ABL2: variants seen among roughly 807,000 people sequenced by gnomAD.
The protein encoded by ABL2 is ABL proto-oncogene 2, non-receptor tyrosine kinase, also known as tyrosine-protein kinase ABL2.
ABL2 carries 49 observed loss-of-function variants against 107.7 expected under a neutral mutation model. The observed-to-expected ratio is 0.45, with a 90% CI of 0.36 to 0.58. The LOEUF (loss-of-function observed/expected upper bound fraction) is 0.58, where lower values mean the gene tolerates loss of function less well. ABL2 is among the 20% of genes least tolerant of loss of function. The probability of loss-of-function intolerance (pLI) is 0.00; values close to 1 mark genes in which losing one functional copy is unlikely to be tolerated. For synonymous variants in ABL2, 549 were observed against 548.6 expected, an observed-to-expected ratio of 1.00 and a Z score of -0.01; for missense variants, 1,245 against 1,457.0, an observed-to-expected ratio of 0.85 and a Z score of 2.37.
In ABL2 at chr1:179,105,400, CATA is replaced by C. The variant is rs1653402678; in HGVS notation, c.*2315_*2317del. 8.6e-6 allele frequency: 2 copies of C among 231,244 alleles called. No individual in the cohort carries two copies. Among genetic ancestry groups the C allele is most frequent in the Admixed American group, 5.6e-5 (1 of 17,724 alleles). The allele number at this position is 231,244 out of a possible 1,614,324, so 14.3% of individuals were successfully genotyped here. Reference sequence around the variant, plus strand: ...CAACAGGGATAAACCTAAAAAGCAGCATAATAATATTCTACAGTTTTAGCTTTC... The same window carrying C: ...CAACAGGGATAAACCTAAAAAGCAGCATAATATTCTACAGTTTTAGCTTTC... On this transcript the variant is annotated 3_prime_UTR_variant, in exon 12 of 12. Coordinates refer to ENST00000502732, the MANE Select transcript of ABL2 (RefSeq NM_007314.4).
chr1:179,220,065 A>G (rs1662789167), intron 1 of ABL2, among the ~76,000 whole-genome samples: 1 of 152,250 alleles, frequency 6.6e-6, no homozygotes, highest in Non-Finnish European at 1.5e-5. Flanking sequence ...ATTTATATCC[A>G]ATTATAACTG....
In ABL2 at chr1:179,165,372, AG is replaced by A. The variant is rs563008336; in HGVS notation, c.158-31999del. ...AAGCAGGTAAAGTGAATGAGGAAGA[AG>A]GCATTCCAGGTAGAGGGTGACTGAT... On this transcript the variant is annotated intron_variant, in intron 1 of 11. Coordinates refer to ENST00000502732, the MANE Select transcript of ABL2 (RefSeq NM_007314.4). Among the ~76,000 whole-genome samples, 782 of 152,258 alleles carry A rather than the reference AG, an allele frequency of 5.1e-3. 6 individuals carry two copies. Among genetic ancestry groups the A allele is most frequent in the African/African-American group, 0.018 (739 of 41,536 alleles).
chr1:179,167,836 C>T (rs1161821868), intron 1 of ABL2, among the ~76,000 whole-genome samples: 1 of 152,138 alleles, frequency 6.6e-6, no homozygotes, highest in Non-Finnish European at 1.5e-5. Context: ...CAAAACTCTG[C>T]GGGGTGTGGT....
chr1:179,226,251 T>A lies in ABL2; in HGVS notation c.157+2990A>T, dbSNP rs1259413454. Reference sequence around the variant, plus strand: ...CTAACTTCCAAACTTGTCAATAGAATCTTCATCATCCCAGTTAGCCAGGTT... The same window carrying A: ...CTAACTTCCAAACTTGTCAATAGAAACTTCATCATCCCAGTTAGCCAGGTT... On this transcript the variant is annotated intron_variant, in intron 1 of 11. Coordinates refer to ENST00000502732, the MANE Select transcript of ABL2 (RefSeq NM_007314.4). 2.6e-5 allele frequency among the ~76,000 whole-genome samples: 4 copies of A among 151,528 alleles called. No individual in the cohort carries two copies. The East Asian group carries it at 7.7e-4, about 29-fold the overall frequency.
intron 7 of ABL2, among the ~76,000 whole-genome samples, 191 bp from the exon 8 acceptor site, chr1:179,117,707 C>A (rs948432644): frequency 6.6e-6 from 1 of 152,134 alleles, no homozygotes; most frequent in Non-Finnish European, 1.5e-5. Flanking sequence ...CATCAAGATG[C>A]GGAATAAAGC....
At chr1:179,179,424 A>C (rs1159802642) in intron 1 of ABL2, among the ~76,000 whole-genome samples, 2 of 152,296 alleles carry the variant, frequency 1.3e-5, no homozygotes, top group East Asian at 1.9e-4. Flanking sequence ...ATATAATGTA[A>C]ATATTAGGAA....
In ABL2 at chr1:179,107,106, T is replaced by C. The variant is rs1653518435; in HGVS notation, c.*612A>G. On this transcript the variant is annotated 3_prime_UTR_variant, in exon 12 of 12. Coordinates refer to ENST00000502732, the MANE Select transcript of ABL2 (RefSeq NM_007314.4). ...ATTCTTTACTTCCTGCACTAACTGA[T>C]ACACCAGCGGAAAATAGGACAGAGG... 1 of 231,046 alleles carries C rather than the reference T, an allele frequency of 4.3e-6. No individual in the cohort carries two copies. The allele number at this position is 231,046 out of a possible 1,614,324, so 14.3% of individuals were successfully genotyped here.
intron 4 of ABL2, among the ~76,000 whole-genome samples, chr1:179,122,412 C>G (rs1313327668): frequency 6.6e-6 from 1 of 151,832 alleles, no homozygotes; most frequent in Non-Finnish European, 1.5e-5. Flanking sequence ...GGCCAGTATA[C>G]CCAGCAAGAG....
chr1:179,167,815 A>C (rs546584590), intron 1 of ABL2, among the ~76,000 whole-genome samples: 7 of 152,214 alleles, frequency 4.6e-5, no homozygotes, highest in Admixed American at 1.3e-4. Flanking sequence ...CTCAGTCTCT[A>C]CTAAAAAATA....
intron 1 of ABL2, among the ~76,000 whole-genome samples, chr1:179,165,393 A>G (rs1321320321): frequency 6.6e-6 from 1 of 152,120 alleles, no homozygotes; most frequent in Non-Finnish European, 1.5e-5. Flanking sequence ...GTAGAGGGTG[A>G]CTGATGACAA....
intron 4 of ABL2, among the ~76,000 whole-genome samples, chr1:179,123,676 C>A (rs1334261352): frequency 6.6e-6 from 1 of 152,296 alleles, no homozygotes; most frequent in East Asian, 1.9e-4. Context: ...GTTGCCCGGC[C>A]TGGAGTGCAG....
intron 1 of ABL2, among the ~76,000 whole-genome samples, chr1:179,188,106 T>C (rs1254480257): frequency 1.3e-5 from 2 of 152,220 alleles, no homozygotes; most frequent in African/African-American, 4.8e-5. Context: ...ACACCTCTAC[T>C]GTAAATACAG....
intron 1 of ABL2, among the ~76,000 whole-genome samples, chr1:179,217,375 C>A (rs188287280): frequency 1.1e-3 from 168 of 151,374 alleles, no homozygotes; most frequent in Middle Eastern, 6.8e-3. Flanking sequence ...CCTGTAATCC[C>A]AGCACTTTGG....
intron 3 of ABL2, among the ~76,000 whole-genome samples, chr1:179,127,587 G>GAAAGAGAT (rs1374648952): frequency 6.6e-6 from 1 of 152,202 alleles, no homozygotes; most frequent in Non-Finnish European, 1.5e-5. Context: ...CAGAAAAAGT[G>GAAAGAGAT]AAAGAGATAT....
intron 9 of ABL2, 107 bp downstream of exon 9, chr1:179,114,771 G>T: frequency 8.6e-7 from 1 of 1,160,592 alleles, no homozygotes; most frequent in Non-Finnish European, 1.2e-6. Flanking sequence ...ATGTCATGAG[G>T]CTGGATTCAA....
intron 1 of ABL2, among the ~76,000 whole-genome samples, chr1:179,165,318 T>C (rs1659315117): frequency 6.6e-6 from 1 of 152,154 alleles, no homozygotes; most frequent in East Asian, 1.9e-4. Flanking sequence ...TTAAAGGCAC[T>C]AGCAAGTCAT....
At chr1:179,141,489 T>C (rs1657585622) in intron 1 of ABL2, among the ~76,000 whole-genome samples, 1 of 152,184 alleles carries the variant, frequency 6.6e-6, no homozygotes, top group Non-Finnish European at 1.5e-5. Flanking sequence ...CACGATTTTA[T>C]GTAAATTTAG....
At chr1:179,222,534 G>A (rs769808101) in intron 1 of ABL2, among the ~76,000 whole-genome samples, 6 of 152,032 alleles carry the variant, frequency 3.9e-5, no homozygotes, top group South Asian at 2.1e-4. Flanking sequence ...GGGATTATAG[G>A]TGCGCGCCAC....
Position 179,108,804 on chromosome 1 carries a change from C to G in ABL2, c.2463G>C (p.Gln821His). Residue 821 changes from glutamine to histidine, a missense_variant, in exon 12 of 12, where the codon CAG (glutamine) becomes CAC (histidine). By Grantham distance (24) the Gln-to-His change is conservative (BLOSUM62 0). This residue lies in a region of ABL2 where 761 missense variants were observed against 766.4 expected (regional missense o/e 0.99). Transcript: ENST00000502732. ...QLERTVSTSS[Q>H]PEENVDRAND... ...TGGCCCTGTCCACATTCTCTTCTGG[C>G]TGAGAAGAGGTGGACACTGTCCTTT... 1 of 1,614,178 alleles carries G rather than the reference C, an allele frequency of 6.2e-7. No individual in the cohort carries two copies. The highest frequency in any genetic ancestry group is 1.1e-5 in the South Asian group (1 of 91,078).
Sources: gnomAD v4.1 joint callset for allele counts (sites outside exome capture counted in the v4.1 genomes callset) on GRCh38, gnomAD v4.1.1 for gene constraint, gnomAD v4.1.1 regional missense constraint, MANE v1.5 for transcripts, NCBI Gene and HGNC (gene_info 2026-07-23, HGNC 2026-07-21) for gene names.